Variants in DCAKD observed in about 807,000 individuals in gnomAD.
DCAKD encodes dephospho-CoA kinase domain-containing protein.
Under a neutral mutation model 18.7 loss-of-function variants are expected in DCAKD, and 15 were observed. The observed-to-expected ratio is 0.80, with a 90% CI of 0.54 to 1.24. The LOEUF (loss-of-function observed/expected upper bound fraction) is 1.24. Ranked by LOEUF, DCAKD falls within the 50% of genes most tolerant of loss-of-function variation. DCAKD has a pLI of 0.00. For synonymous variants in DCAKD, 130 were observed against 133.0 expected (o/e 0.98, Z 0.16); for missense variants, 301 against 322.0 (o/e 0.93, Z 0.50).
intron 1 of DCAKD, among the ~76,000 whole-genome samples, chr17:45,045,472 C>T (rs1003963185): frequency 1.3e-5 from 2 of 152,176 alleles, no homozygotes; most frequent in African/African-American, 4.8e-5. Context: ...TGGCTCACAT[C>T]TGTAATCCCA....
chr17:45,031,932 C>T (rs984117346), intron 3 of DCAKD: 6 of 985,290 alleles, frequency 6.1e-6, no homozygotes, highest in African/African-American at 3.5e-5. Flanking sequence ...CCACAGCTGT[C>T]GTCCTCATTT....
chr17:45,054,999 C>T (rs2053765792), upstream of DCAKD, among the ~76,000 whole-genome samples: 1 of 152,186 alleles, frequency 6.6e-6, no homozygotes, highest in African/African-American at 2.4e-5. Flanking sequence ...GCAGCTGCAC[C>T]TCTGCCCCAG....
At chr17:45,030,885 G>A (rs567036475) in intron 3 of DCAKD, 13 of 730,826 alleles carry the variant, frequency 1.8e-5, no homozygotes, top group Admixed American at 6.3e-5. Context: ...AGTGTAAAAG[G>A]CACTGGCTGG....
At chr17:45,046,654 C>T (rs959349679) in intron 1 of DCAKD, among the ~76,000 whole-genome samples, 1 of 149,642 alleles carries the variant, frequency 6.7e-6, no homozygotes, top group African/African-American at 2.5e-5. Flanking sequence ...TCTATGTTTG[C>T]CCACGGTAGT....
chr17:45,053,187 A>AAC (rs2053742523), upstream of DCAKD, among the ~76,000 whole-genome samples: 1 of 148,188 alleles, frequency 6.7e-6, no homozygotes, highest in African/African-American at 2.5e-5. Flanking sequence ...AAAAAAAAAA[A>AAC]AAAAAAAAAC....
chr17:45,030,244 G>A, intron 3 of DCAKD, 65 bp from the exon 4 acceptor site: 1 of 1,471,756 alleles, frequency 6.8e-7, no homozygotes, highest in Non-Finnish European at 9.5e-7. Flanking sequence ...CTGATGATAT[G>A]CTGGGCCCCA....
At position 45,044,733 on chromosome 17, in the gene DCAKD, AAAT is replaced by A. The variant is rs1341587755; in HGVS notation, c.-115+6625_-115+6627del. 1.5e-4 allele frequency among the ~76,000 whole-genome samples: 20 copies of A among 137,588 alleles called. No homozygotes were observed. In the East Asian group the frequency reaches 3.3e-3, roughly 23 times the overall value. 90.3% of individuals were successfully genotyped at this position (137,588 alleles called of 152,430 possible). ...TAAATAAATAAATAAATAAATAAAT[AAAT>A]AAAAGCTGTGGCAGAAGAGTTCCCA... On this transcript the variant is annotated intron_variant, in intron 1 of 4. Transcript: ENST00000651974.
intron 1 of DCAKD, among the ~76,000 whole-genome samples, chr17:45,047,504 CTTT>C (rs916286343): frequency 3.2e-5 from 4 of 124,498 alleles, no homozygotes; most frequent in Non-Finnish European, 3.4e-5. Flanking sequence ...TGGCTAGTCT[CTTT>C]TTTTTTTTTT....
At chr17:45,034,009 ACG>A in intron 3 of DCAKD, 176 bp downstream of exon 3, 2 of 1,594,116 alleles carry the variant, frequency 1.3e-6, no homozygotes, top group Non-Finnish European at 1.7e-6. Flanking sequence ...AGCTGAGGGA[ACG>A]TGCTTCTTTC....
At chr17:45,041,416 T>G (rs1177701527) in intron 1 of DCAKD, among the ~76,000 whole-genome samples, 1 of 151,450 alleles carries the variant, frequency 6.6e-6, no homozygotes, top group Non-Finnish European at 1.5e-5. Context: ...GTTCACGCCA[T>G]TCTGCTGCCT....
In DCAKD at chr17:45,024,702, G is replaced by A. The variant is rs755424930; in HGVS notation, c.427C>T (p.Arg143Trp). ...VYCDRDTQLARLMRRNSLNRK... is the reference protein window; with the variant it reads ...VYCDRDTQLAWLMRRNSLNRK... ...TTCAGGCTGTTCCGCCGCATCAGCC[G>A]TGCCAGCTGTGTGTCCCGGTCGCTA... is the stretch of plus-strand genomic sequence containing the variant. Residue 143 changes from arginine (R) to tryptophan (W), a missense_variant, in exon 5 of 5, where the codon CGG becomes TGG. Transcript: ENST00000651974. 1.8e-4 allele frequency: 278 copies of A among 1,586,590 alleles called. No homozygotes were observed. The highest frequency in any genetic ancestry group is 5.1e-4 in the Middle Eastern group (3 of 5,864).
At chr17:45,036,344 G>A (rs553296871) in intron 1 of DCAKD, among the ~76,000 whole-genome samples, 9 of 152,180 alleles carry the variant, frequency 5.9e-5, no homozygotes, top group East Asian at 5.8e-4. Context: ...GTAAAACCCC[G>A]TCTCTACTAA....
intron 1 of DCAKD, among the ~76,000 whole-genome samples, chr17:45,046,908 C>A (rs1467518826): frequency 6.6e-6 from 1 of 151,990 alleles, no homozygotes; most frequent in Non-Finnish European, 1.5e-5. Context: ...CCCCTGGGCA[C>A]CAGAAAGGGC....
chr17:45,031,352 A>T, intron 3 of DCAKD: 1 of 984,950 alleles, frequency 1.0e-6, no homozygotes, highest in African/African-American at 1.7e-5. Flanking sequence ...CTGATGACAC[A>T]CCTTGGTTGG....
chr17:45,039,393 C>T (rs1384227566), intron 1 of DCAKD, among the ~76,000 whole-genome samples: 1 of 152,214 alleles, frequency 6.6e-6, no homozygotes, highest in East Asian at 1.9e-4. Flanking sequence ...TTCCTCACAG[C>T]AAGTGCTAAA....
chr17:45,042,635 G>C (rs1242988442), intron 1 of DCAKD, among the ~76,000 whole-genome samples: 1 of 152,230 alleles, frequency 6.6e-6, no homozygotes, highest in Non-Finnish European at 1.5e-5. Context: ...TATTTCTCGA[G>C]GAACCAGTGG....
At chr17:45,033,786 A>G (rs10451271) in intron 3 of DCAKD, 387,012 of 969,006 alleles carry the variant, frequency 0.4, 79,760 homozygotes, top group African/African-American at 0.45. Context: ...TATTATCCCC[A>G]CTGCACAAAT....
chr17:45,045,397 T>C (rs1402623115), intron 1 of DCAKD, among the ~76,000 whole-genome samples: 2 of 152,154 alleles, frequency 1.3e-5, no homozygotes, highest in Admixed American at 1.3e-4. Context: ...TACTGCTGTA[T>C]CCAAGGTGCC....
intron 1 of DCAKD, among the ~76,000 whole-genome samples, chr17:45,038,946 CT>C (rs1468480319): frequency 6.6e-6 from 1 of 152,224 alleles, no homozygotes; most frequent in Non-Finnish European, 1.5e-5. Flanking sequence ...TGCCAGGGAC[CT>C]CTTGGGTAAC....
Sources: gnomAD v4.1 joint callset for allele counts (sites outside exome capture counted in the v4.1 genomes callset) on GRCh38, gnomAD v4.1.1 for gene constraint, MANE v1.5 for transcripts, NCBI Gene and HGNC (gene_info 2026-07-23, HGNC 2026-07-21) for gene names.